Variants in DNAH1 observed in about 807,000 individuals in gnomAD.
DNAH1 encodes the protein axonemal beta dynein heavy chain 1.
In DNAH1, 327 loss-of-function variants were observed where a neutral mutation model predicts 484.3. That is an observed-to-expected ratio of 0.68 (90% CI 0.62 to 0.74). The LOEUF is 0.74. Among genes scored for constraint, DNAH1 ranks in the 30% least tolerant of loss-of-function variants. The pLI is 0.00. For missense variants in DNAH1, 5,052 were observed against 5,546.8 expected (o/e 0.91, Z 2.83); for synonymous variants, 2,192 against 2,191.9 (o/e 1.00, Z 0.00).
intron 44 of DNAH1, chr3:52,373,626 G>T (rs1018937853): frequency 4.2e-6 from 6 of 1,444,108 alleles, no homozygotes; most frequent in Non-Finnish European, 4.9e-6. Context: ...CAGTAATAGA[G>T]AACTTCAAAA....
At chr3:52,348,813 A>T in intron 12 of DNAH1, 75 bp from the exon 13 acceptor site, 1 of 1,516,400 alleles carries the variant, frequency 6.6e-7, no homozygotes, top group Non-Finnish European at 9.0e-7. Flanking sequence ...CCTCGGGAGG[A>T]CTCCCCATCT....
In DNAH1 at chr3:52,388,082, C is replaced by T; in HGVS notation, c.9004-85C>T. 2.0e-6 allele frequency: 3 copies of T among 1,513,444 alleles called. No homozygotes were observed. The South Asian group carries it at 3.8e-5, about 19-fold the overall frequency. 93.8% of individuals were successfully genotyped at this position (1,513,444 alleles called of 1,614,324 possible). On this transcript the variant is annotated intron_variant, in intron 56 of 77. Coordinates refer to ENST00000420323, the MANE Select transcript of DNAH1 (RefSeq NM_015512.5). ...CACAGGGCATAAAAGCCAGGGTGTC[C>T]CTCAGCAGGCCCCACATCCCAGCAG...
chr3:52,326,070 T>TA lies in DNAH1; in HGVS notation c.407-69dup, dbSNP rs765418364. Reference sequence around the variant, plus strand: ...ATACTACCTGGTTGGTAATTTATTTTATGGGGTGGAGGCTGGTTTTTGGGT... The same window carrying TA: ...ATACTACCTGGTTGGTAATTTATTTTAATGGGGTGGAGGCTGGTTTTTGGGT... On this transcript the variant is annotated intron_variant, in intron 3 of 77. Transcript: ENST00000420323. 8.1e-4 allele frequency: 1,103 copies of TA among 1,368,942 alleles called. 1 individual carries two copies. Among genetic ancestry groups the TA allele is most frequent in the Non-Finnish European group, 1.0e-3 (1,049 of 1,041,060 alleles). 84.8% of individuals were successfully genotyped at this position (1,368,942 alleles called of 1,614,324 possible). A position where few individuals can be genotyped will look rare whatever the true frequency, so the allele number is the denominator to read the frequency against.
Position 52,361,546 on chromosome 3 carries a change from GGAGATTGCCCCTGA to G in DNAH1, c.4875-113_4875-100del. 3 of 1,292,758 alleles carry G rather than the reference GGAGATTGCCCCTGA, an allele frequency of 2.3e-6. No homozygotes were observed. Among genetic ancestry groups the G allele is most frequent in the Non-Finnish European group, 3.2e-6 (3 of 931,190 alleles). The allele number at this position is 1,292,758 out of a possible 1,614,324, so 80.1% of individuals were successfully genotyped here. ...GCAGTGGGTTGAAGACTGAGCTGAT[GGAGATTGCCCCTGA>G]GGGCTTCCTCCCAAGTGGAGTTGGA... is the stretch of plus-strand genomic sequence containing the variant. On this transcript the variant is annotated intron_variant, in intron 29 of 77. Transcript: ENST00000420323. The surrounding 1 kb of genome is among the most constrained non-coding windows in gnomAD (Gnocchi z 5.6).
chr3:52,332,129 A>T lies in DNAH1; in HGVS notation c.1034-13A>T. 1 of 1,547,580 alleles carries T rather than the reference A, an allele frequency of 6.5e-7. No individual in the cohort carries two copies. The highest frequency in any genetic ancestry group is 8.7e-7 in the Non-Finnish European group (1 of 1,142,964). On this transcript the variant is annotated splice_polypyrimidine_tract_variant and intron_variant, in intron 7 of 77. Transcript: ENST00000420323. ...GATTGTGTGTCCCCTTCTCCCTCTC[A>T]CCCGGCCCCCAGGAAGGCCACCCCT...
intron 46 of DNAH1, among the ~76,000 whole-genome samples, chr3:52,377,216 G>A (rs1447045235): frequency 2.6e-5 from 4 of 151,982 alleles, no homozygotes; most frequent in South Asian, 2.1e-4. Flanking sequence ...CCCGGTCCCC[G>A]CACTCTTCCC....
In DNAH1 at chr3:52,355,034, G is replaced by A; in HGVS notation, c.3672G>A (p.Glu1224=). ...TTGAGCAGCGCATCAACTCCTGGGA[G>A]AACAAACTGAAGCTGACCCAGGTCG... ...KPFEQRINSW[E]NKLKLTQEVL... is the part of the protein sequence containing the mutation. Residue 1224 remains glutamate, a synonymous_variant, in exon 21 of 78, where the codon GAG becomes GAA. Transcript: ENST00000420323. The surrounding 1 kb of genome is among the most constrained non-coding windows in gnomAD (Gnocchi z 4.5). The A allele has an allele frequency of 6.2e-7, 1 of 1,613,764 alleles. No individual in the cohort carries two copies. The highest frequency in any genetic ancestry group is 8.5e-7 in the Non-Finnish European group (1 of 1,179,884).
intron 54 of DNAH1, 43 bp downstream of exon 54, chr3:52,385,490 G>A (rs1267017945): frequency 2.0e-6 from 3 of 1,510,822 alleles, no homozygotes; most frequent in Non-Finnish European, 2.7e-6. Flanking sequence ...TGACTCTGAG[G>A]AAGCTCGGCA....
chr3:52,346,717 C>T lies in DNAH1; in HGVS notation c.1902C>T (p.Leu634=), dbSNP rs748623076. Residue 634 remains leucine (L), a synonymous_variant, in exon 11 of 78, where the codon CTC becomes CTT. Transcript: ENST00000420323. ...TCAGCGACACCTGTTGCAGCGTGCT[C>T]AACTGCACCGATGACATGGTCTGGG... ...QFISDTCCSV[L]NCTDDMVWGD... is the part of the protein sequence containing the mutation. 1.9e-6 allele frequency: 3 copies of T among 1,613,742 alleles called. No individual in the cohort carries two copies. Among genetic ancestry groups the T allele is most frequent in the East Asian group, 2.2e-5 (1 of 44,870 alleles).
At chr3:52,318,303 G>A (rs911739574) in intron 1 of DNAH1, among the ~76,000 whole-genome samples, 2 of 152,236 alleles carry the variant, frequency 1.3e-5, no homozygotes, top group African/African-American at 4.8e-5. Context: ...GCCCGCCTGG[G>A]CCCAAGTGTT....
rs1371386682 is a variant in DNAH1 at position 52,357,584 on chromosome 3, C to T, written c.3859-30C>T. On this transcript the variant is annotated intron_variant, in intron 22 of 77. Coordinates refer to ENST00000420323, the MANE Select transcript of DNAH1 (RefSeq NM_015512.5). ...TTGCTACCTGGACCATGCTCACTGC[C>T]CATTTCTGTGCATGGCCCGGGCCCT... 5.0e-6 allele frequency: 8 copies of T among 1,590,362 alleles called. No homozygotes were observed. In the South Asian group the frequency reaches 9.1e-5, roughly 18 times the overall value.
At chr3:52,341,408 C>T (rs1332858104) in intron 8 of DNAH1, among the ~76,000 whole-genome samples, 1 of 151,990 alleles carries the variant, frequency 6.6e-6, no homozygotes, top group African/African-American at 2.4e-5. Context: ...ATAGAAGAAG[C>T]AGCTGGTAAA....
At chr3:52,348,044 G>C in intron 12 of DNAH1, 70 bp downstream of exon 12, 1 of 1,499,354 alleles carries the variant, frequency 6.7e-7, no homozygotes. Context: ...CTGAGCTCAG[G>C]GTGCTGCCAC....
In DNAH1 at chr3:52,349,318, C is replaced by T; in HGVS notation, c.2424C>T (p.Ile808=). Residue 808 remains isoleucine (I), a synonymous_variant, in exon 14 of 78, where the codon ATC becomes ATT. Coordinates refer to ENST00000420323, the MANE Select transcript of DNAH1 (RefSeq NM_015512.5). ...PSSIIIGPFY[I]NTDNVKQSLS... is the part of the protein sequence containing the mutation. ...GCATCATCATTGGGCCTTTCTACAT[C>T]AACACCGACAATGTCAAGCAGAGCC... is the stretch of plus-strand genomic sequence containing the variant. 1 of 1,614,000 alleles carries T rather than the reference C, an allele frequency of 6.2e-7. No individual in the cohort carries two copies. Among genetic ancestry groups the T allele is most frequent in the East Asian group, 2.2e-5 (1 of 44,880 alleles).
At chr3:52,359,647 G>T (rs1308296565) in intron 26 of DNAH1, among the ~76,000 whole-genome samples, 1 of 152,228 alleles carries the variant, frequency 6.6e-6, no homozygotes, top group African/African-American at 2.4e-5. Context: ...GGCACCCCTT[G>T]CCCTGTGCTC....
intron 16 of DNAH1, among the ~76,000 whole-genome samples, chr3:52,351,255 C>T (rs1254511513): frequency 1.3e-5 from 2 of 152,160 alleles, no homozygotes; most frequent in Non-Finnish European, 2.9e-5. Context: ...GGTGGGCAGT[C>T]CCTGGAGAGG....
At chr3:52,326,388 G>C in intron 4 of DNAH1, 74 bp downstream of exon 4, 2 of 1,501,604 alleles carry the variant, frequency 1.3e-6, no homozygotes, top group South Asian at 2.5e-5. Flanking sequence ...AGGAACTGCA[G>C]ATCACCAGGT....
At chr3:52,319,315 G>A (rs1205266367) in intron 1 of DNAH1, among the ~76,000 whole-genome samples, 1 of 152,210 alleles carries the variant, frequency 6.6e-6, no homozygotes, top group Non-Finnish European at 1.5e-5. Flanking sequence ...GGGCTCCCAG[G>A]TGATCTGAGT....
In DNAH1 at chr3:52,355,581, G is replaced by T. The variant is rs1401731556; in HGVS notation, c.3693+526G>T. Among the ~76,000 whole-genome samples the T allele has an allele frequency of 6.6e-6, 1 of 152,254 alleles. No homozygotes were observed. The highest frequency in any genetic ancestry group is 1.5e-5 in the Non-Finnish European group (1 of 68,036). On this transcript the variant is annotated intron_variant, in intron 21 of 77. Coordinates refer to ENST00000420323, the MANE Select transcript of DNAH1 (RefSeq NM_015512.5). This position sits in a 1 kb window ranked among gnomAD's most constrained non-coding sequence, Gnocchi z 4.5. The stretch of plus-strand genomic sequence containing the variant: ...GCTGCCCACAGAGCCCTGGAGGGCA[G>T]TCCCGGGGCCAGCCTGCAGGTGTGA...
Sources: allele counts gnomAD v4.1 joint callset (sites outside exome capture counted in the v4.1 genomes callset), GRCh38; gene constraint gnomAD v4.1.1; non-coding constraint Gnocchi (gnomAD v3.1); transcripts MANE v1.5; gene names NCBI Gene and HGNC (gene_info 2026-07-23, HGNC 2026-07-21).